CDYL2: variants seen among roughly 807,000 people sequenced by gnomAD.
CDYL2 encodes chromodomain Y-like protein 2.
Under a neutral mutation model 49.4 loss-of-function variants are expected in CDYL2, and 23 were observed. The ratio of observed to expected loss-of-function variants is 0.47; its 90% CI spans 0.34 to 0.66. CDYL2 has a LOEUF of 0.66. Ranked by LOEUF, CDYL2 falls within the 30% of genes least tolerant of loss-of-function variation. The pLI is 0.01. For missense variants in CDYL2, 678 were observed against 656.4 expected, an observed-to-expected ratio of 1.03 and a Z score of -0.36; for synonymous variants, 360 against 268.8, an observed-to-expected ratio of 1.34 and a Z score of -3.32.
intron 1 of CDYL2, among the ~76,000 whole-genome samples, chr16:80,713,392 A>G (rs1182437048): frequency 1.3e-5 from 2 of 152,186 alleles, no homozygotes; most frequent in African/African-American, 4.8e-5. Context: ...GACTGGTAGC[A>G]TTTTTTAGTT....
At chr16:80,690,959 A>G (rs1910391571) in intron 1 of CDYL2, among the ~76,000 whole-genome samples, 1 of 152,224 alleles carries the variant, frequency 6.6e-6, no homozygotes, top group Admixed American at 6.5e-5. Context: ...AAGATTTTGC[A>G]GACTGCTGAA....
intron 1 of CDYL2, among the ~76,000 whole-genome samples, chr16:80,753,387 T>G (rs9940148): frequency 6.6e-6 from 1 of 151,826 alleles, no homozygotes; most frequent in Non-Finnish European, 1.5e-5. Flanking sequence ...GGTGGGCGGA[T>G]CACCTGAAGT....
intron 1 of CDYL2, among the ~76,000 whole-genome samples, chr16:80,781,109 A>T (rs770474781): frequency 5.9e-5 from 9 of 152,206 alleles, no homozygotes; most frequent in Non-Finnish European, 1.0e-4. Flanking sequence ...AATTACTTCA[A>T]TAGGCTAAAA....
At chr16:80,650,797 T>A (rs369893387) in intron 2 of CDYL2, among the ~76,000 whole-genome samples, 80 of 152,068 alleles carry the variant, frequency 5.3e-4, no homozygotes, top group African/African-American at 1.9e-3. Context: ...CATAAAAAAA[T>A]GAAATCCTGT....
intron 2 of CDYL2, among the ~76,000 whole-genome samples, chr16:80,669,966 C>T (rs756685202): frequency 2.6e-5 from 4 of 152,208 alleles, no homozygotes; most frequent in South Asian, 2.1e-4. Flanking sequence ...TAATCTCACC[C>T]GTCTCCATGC....
chr16:80,698,059 T>C (rs555548924), intron 1 of CDYL2, among the ~76,000 whole-genome samples: 2 of 152,240 alleles, frequency 1.3e-5, no homozygotes, highest in East Asian at 3.9e-4. Flanking sequence ...AAAATTCATA[T>C]GGAAGCACAA....
At chr16:80,703,695 C>T (rs960018327) in intron 1 of CDYL2, among the ~76,000 whole-genome samples, 2 of 152,140 alleles carry the variant, frequency 1.3e-5, no homozygotes, top group African/African-American at 4.8e-5. Flanking sequence ...CAGAACCGCA[C>T]CTGGTGGTCA....
At position 80,620,796 on chromosome 16, in the gene CDYL2, C is replaced by T. The variant is rs1350858763; in HGVS notation, c.974G>A (p.Arg325Gln). The change falls in exon 4 of 7, where the codon CGA (arginine) becomes CAA (glutamine). Residue 325 changes from arginine to glutamine, a missense_variant. By Grantham distance (43) the Arg-to-Gln change is conservative (BLOSUM62 1). Coordinates refer to ENST00000570137, the MANE Select transcript of CDYL2 (RefSeq NM_152342.4). Reference protein sequence around the residue: ...YLIGRLSSDRRKESTRIAEAI... With the variant: ...YLIGRLSSDRQKESTRIAEAI... ...TTCTGCAATCCGAGTGCTCTCCTTTCGCCGGTCGCTGGACAACCGGCCAAT... is the reference window on the plus strand; with the variant it reads ...TTCTGCAATCCGAGTGCTCTCCTTTTGCCGGTCGCTGGACAACCGGCCAAT... 5.6e-6 allele frequency: 9 copies of T among 1,609,588 alleles called. No homozygotes were observed. The highest frequency in any genetic ancestry group is 5.1e-6 in the Non-Finnish European group (6 of 1,177,126).
At chr16:80,694,318 G>C (rs889669826) in intron 1 of CDYL2, among the ~76,000 whole-genome samples, 1 of 152,314 alleles carries the variant, frequency 6.6e-6, no homozygotes, top group East Asian at 1.9e-4. Context: ...TTCCTAACAG[G>C]CCACGGCCTG....
At chr16:80,667,436 C>T (rs373536253) in intron 2 of CDYL2, among the ~76,000 whole-genome samples, 3 of 152,152 alleles carry the variant, frequency 2.0e-5, no homozygotes, top group East Asian at 3.9e-4. Context: ...TCAGTCATTT[C>T]GGCTCATTTT....
At chr16:80,801,298 T>C (rs1433347403) in intron 1 of CDYL2, among the ~76,000 whole-genome samples, 2 of 152,258 alleles carry the variant, frequency 1.3e-5, no homozygotes, top group African/African-American at 4.8e-5. Flanking sequence ...TCCAAGATTT[T>C]GGAACCTGAG....
chr16:80,609,422 T>A (rs1007691680), intron 5 of CDYL2, among the ~76,000 whole-genome samples: 1 of 152,214 alleles, frequency 6.6e-6, no homozygotes, highest in Non-Finnish European at 1.5e-5. Context: ...TCTGGTTGTG[T>A]CACTGATGGT....
chr16:80,683,064 C>T (rs753975820), intron 2 of CDYL2, among the ~76,000 whole-genome samples: 2 of 152,206 alleles, frequency 1.3e-5, no homozygotes, highest in Admixed American at 6.5e-5. Flanking sequence ...CAGCTCTGCA[C>T]GTTCTGGACT....
Position 80,676,961 on chromosome 16 carries a change from G to GTCT in CDYL2, c.616+7576_616+7577insAGA, listed in dbSNP as rs1407459686. 2.1e-3 allele frequency among the ~76,000 whole-genome samples: 231 copies of GTCT among 110,506 alleles called. 23 individuals are homozygous for GTCT. Among genetic ancestry groups the GTCT allele is most frequent in the African/African-American group, 5.9e-3 (171 of 29,088 alleles). The allele number at this position is 110,506 out of a possible 152,430, so 72.5% of individuals were successfully genotyped here. On this transcript the variant is annotated intron_variant, in intron 2 of 6. Coordinates refer to ENST00000570137, the MANE Select transcript of CDYL2 (RefSeq NM_152342.4). ...AGGACTTTTTAACAACCAATTCAAT[G>GTCT]TATTTTTTTTTTTTTTTTTTTTTTT...
At chr16:80,688,913 A>G (rs924423736) in intron 1 of CDYL2, among the ~76,000 whole-genome samples, 1 of 152,102 alleles carries the variant, frequency 6.6e-6, no homozygotes, top group African/African-American at 2.4e-5. Context: ...AAACAAACAA[A>G]AACAAACAAA....
chr16:80,695,796 CAATAT>C (rs1195503837), intron 1 of CDYL2, among the ~76,000 whole-genome samples: 1 of 152,046 alleles, frequency 6.6e-6, no homozygotes, highest in Non-Finnish European at 1.5e-5. Context: ...GACCTCAATA[CAATAT>C]TAGTTGAGAC....
chr16:80,647,752 C>G (rs1157126894), intron 2 of CDYL2, among the ~76,000 whole-genome samples: 2 of 152,270 alleles, frequency 1.3e-5, no homozygotes, highest in Admixed American at 1.3e-4. Context: ...GCACATGGAT[C>G]ATTCTCTAGG....
intron 2 of CDYL2, among the ~76,000 whole-genome samples, chr16:80,667,515 G>T (rs1466088508): frequency 6.6e-6 from 1 of 151,998 alleles, no homozygotes; most frequent in East Asian, 1.9e-4. Context: ...AGCTGGCTTC[G>T]GTGCCCTTAC....
chr16:80,604,658 G>C, intron 6 of CDYL2, 112 bp from the exon 7 acceptor site: 2 of 1,139,730 alleles, frequency 1.8e-6, no homozygotes, highest in South Asian at 1.4e-5. Flanking sequence ...GCCAGAGAAG[G>C]CTGCCTCCTC....
Sources: allele counts gnomAD v4.1 joint callset (sites outside exome capture counted in the v4.1 genomes callset), GRCh38; gene constraint gnomAD v4.1.1; transcripts MANE v1.5; gene names NCBI Gene and HGNC (gene_info 2026-07-23, HGNC 2026-07-21).